Variants in IGSF22 observed in about 807,000 individuals in gnomAD.
IGSF22 encodes the protein immunoglobulin superfamily member 22.
A neutral mutation model predicts 127.0 loss-of-function variants in IGSF22; 119 were observed. That is an observed-to-expected ratio of 0.94 (90% CI 0.81 to 1.09). The LOEUF is 1.09. Ranked by LOEUF, IGSF22 falls within the 50% of genes least tolerant of loss-of-function variation. IGSF22 has a pLI of 0.00. For synonymous variants in IGSF22, 568 were observed against 664.7 expected (o/e 0.85, Z 2.24); for missense variants, 1,518 against 1,716.6 (o/e 0.88, Z 2.04).
chr11:18,713,716 A>G, intron 14 of IGSF22, 136 bp downstream of exon 14: 1 of 726,466 alleles, frequency 1.4e-6, no homozygotes, highest in Non-Finnish European at 2.2e-6. Flanking sequence ...TTCTGGCTGC[A>G]AAGCCAGCCT....
Position 18,705,931 on chromosome 11 carries a change from C to T in IGSF22, c.3796G>A (p.Gly1266Ser). The change falls in exon 22 of 23, where the codon GGC becomes AGC. Residue 1266 changes from glycine (G) to serine (S), a missense_variant. Coordinates refer to ENST00000513874, the MANE Select transcript of IGSF22 (RefSeq NM_173588.4). Reference sequence around the variant, plus strand: ...GTGGGGATGACGAGGGTGCACACGCCGCTGGTGGAGTTGTACCAGAACTTG... The same window carrying T: ...GTGGGGATGACGAGGGTGCACACGCTGCTGGTGGAGTTGTACCAGAACTTG... ...NSKFWYNSTS[G>S]VCTLVIPTCT... 1 of 1,551,738 alleles carries T rather than the reference C, an allele frequency of 6.4e-7. No homozygotes were observed. Among genetic ancestry groups the T allele is most frequent in the Non-Finnish European group, 8.7e-7 (1 of 1,146,994 alleles).
At position 18,724,114 on chromosome 11, in the gene IGSF22, C is replaced by T; in HGVS notation, c.109+14G>A. 1 of 1,600,254 alleles carries T rather than the reference C, an allele frequency of 6.2e-7. No homozygotes were observed. The highest frequency in any genetic ancestry group is 1.7e-5 in the Admixed American group (1 of 59,966). On this transcript the variant is annotated intron_variant, in intron 2 of 22. Coordinates refer to ENST00000513874, the MANE Select transcript of IGSF22 (RefSeq NM_173588.4). Reference sequence around the variant, plus strand: ...TGCCCTTCCCGATCCCTTCCCTGCCCCCATTCCACTTGCCTCCCACGATCT... The same window carrying T: ...TGCCCTTCCCGATCCCTTCCCTGCCTCCATTCCACTTGCCTCCCACGATCT...
At chr11:18,711,588 G>C (rs1261074059) in intron 15 of IGSF22, among the ~76,000 whole-genome samples, 4 of 152,040 alleles carry the variant, frequency 2.6e-5, no homozygotes. Flanking sequence ...AGTAGAGATA[G>C]GGTTTCACCA....
Position 18,719,696 on chromosome 11 carries a change from G to C in IGSF22, c.696+20C>G, listed in dbSNP as rs1401754917. 1 of 1,611,802 alleles carries C rather than the reference G, an allele frequency of 6.2e-7. No individual in the cohort carries two copies. Among genetic ancestry groups the C allele is most frequent in the East Asian group, 2.2e-5 (1 of 44,860 alleles). ...CCCTGCCCCTAGCCTGCAGGCCCCT[G>C]CTCCCTGCAGGGTACTTACCTCCAC... On this transcript the variant is annotated intron_variant, in intron 7 of 22. Coordinates refer to ENST00000513874, the MANE Select transcript of IGSF22 (RefSeq NM_173588.4).
intron 9 of IGSF22, among the ~76,000 whole-genome samples, chr11:18,717,425 CT>C (rs55959211): frequency 0.76 from 115,392 of 151,752 alleles, 44,046 homozygotes; most frequent in East Asian, 0.82. Flanking sequence ...AGTCTGCGTT[CT>C]TTTTTTTTAA....
chr11:18,721,743 C>T lies in IGSF22; in HGVS notation c.242-72G>A, dbSNP rs1848578298. The T allele has an allele frequency of 2.5e-6, 4 of 1,601,588 alleles. No individual in the cohort carries two copies. The East Asian group carries it at 8.9e-5, about 36-fold the overall frequency. On this transcript the variant is annotated intron_variant, in intron 3 of 22. Coordinates refer to ENST00000513874, the MANE Select transcript of IGSF22 (RefSeq NM_173588.4). ...GAGCCTCTGCCACCCTCTGCCGGCTCTCTGCCTCCTCCCAGACACCTGGGC... is the reference window on the plus strand; with the variant it reads ...GAGCCTCTGCCACCCTCTGCCGGCTTTCTGCCTCCTCCCAGACACCTGGGC...
Position 18,714,013 on chromosome 11 carries a change from C to CCATCCTTGTACCATGT in IGSF22, c.1918_1933dup (p.Gly645AspfsTer34). 6.2e-7 allele frequency: 1 copy of CCATCCTTGTACCATGT among 1,614,304 alleles called. No homozygotes were observed. The highest frequency in any genetic ancestry group is 8.5e-7 in the Non-Finnish European group (1 of 1,180,048). On this transcript the variant is annotated frameshift_variant, in exon 14 of 23. Transcript: ENST00000513874. LOFTEE classifies it high-confidence loss of function. Reference sequence around the variant, plus strand: ...GCGTTCCTCCTCCGTCACTTCCATGCCATCCTTGTACCATGTCACTTTGGG... The same window carrying CCATCCTTGTACCATGT: ...GCGTTCCTCCTCCGTCACTTCCATGCCATCCTTGTACCATGTCATCCTTGTACCATGTCACTTTGGG...
chr11:18,721,289 G>GGCTCTGCCCCTGCTCT (rs1848566625), intron 4 of IGSF22, among the ~76,000 whole-genome samples: 2 of 152,216 alleles, frequency 1.3e-5, no homozygotes, highest in Admixed American at 6.5e-5. Context: ...GCCACGTTCT[G>GGCTCTGCCCCTGCTCT]GCTCTGCCCC....
chr11:18,713,745 C>G (rs1440441048), intron 14 of IGSF22, 107 bp downstream of exon 14: 1 of 941,426 alleles, frequency 1.1e-6, no homozygotes. Context: ...CATTCCCAGC[C>G]CAAACTTCAA....
At position 18,708,240 on chromosome 11, in the gene IGSF22, A is replaced by C. The variant is rs1027867762; in HGVS notation, c.3054T>G (p.Ala1018=). 5 of 1,548,608 alleles carry C rather than the reference A, an allele frequency of 3.2e-6. No homozygotes were observed. In the African/African-American group the frequency reaches 6.8e-5, roughly 21 times the overall value. ...CTGCATGGATGCAGAGGGCTGTCCC[A>C]GCGCGAACCACCATGTGACTCTTCA... ...ARLKSHMVVR[A]GTALCIHAAF... The change falls in exon 19 of 23, where the codon GCT becomes GCG. Residue 1018 remains alanine, a synonymous_variant. Coordinates refer to ENST00000513874, the MANE Select transcript of IGSF22 (RefSeq NM_173588.4).
chr11:18,724,351 A>C, intron 1 of IGSF22, 82 bp from the exon 2 acceptor site: 1 of 708,760 alleles, frequency 1.4e-6, no homozygotes, highest in South Asian at 1.8e-5. Context: ...GTTCAGACAT[A>C]AGAGGAGATG....
intron 15 of IGSF22, among the ~76,000 whole-genome samples, chr11:18,711,068 G>A (rs1848347212): frequency 6.6e-6 from 1 of 152,076 alleles, no homozygotes; most frequent in Non-Finnish European, 1.5e-5. Context: ...GAGCCACAGT[G>A]CCTGGCACAA....
chr11:18,716,069 T>G lies in IGSF22; in HGVS notation c.1247-353A>C, dbSNP rs1020967322. On this transcript the variant is annotated intron_variant, in intron 10 of 22. Transcript: ENST00000513874. This position sits in a 1 kb window ranked among gnomAD's most constrained non-coding sequence, Gnocchi z 4.5. ...AATGTCTGGACATTTATACATGCTA[T>G]TACCTCTGCTGGGGATGTTCTCTAC... 6.6e-6 allele frequency among the ~76,000 whole-genome samples: 1 copy of G among 152,206 alleles called. No individual in the cohort carries two copies. The highest frequency in any genetic ancestry group is 1.5e-5 in the Non-Finnish European group (1 of 68,048).
At chr11:18,715,862 T>A in intron 10 of IGSF22, 146 bp from the exon 11 acceptor site, 1 of 896,874 alleles carries the variant, frequency 1.1e-6, no homozygotes, top group Non-Finnish European at 1.7e-6. Flanking sequence ...AATATGTGAC[T>A]CACAGAAGTA....
intron 14 of IGSF22, 47 bp from the exon 15 acceptor site, chr11:18,712,431 C>A: frequency 4.0e-6 from 6 of 1,490,144 alleles, no homozygotes; most frequent in South Asian, 1.3e-5. Flanking sequence ...AACAAAGGAT[C>A]AGAAGGGCCT....
At position 18,707,818 on chromosome 11, in the gene IGSF22, T is replaced by C. The variant is rs574463530; in HGVS notation, c.3266A>G (p.His1089Arg). ...NEFGEARYDIHVRVADFPRPP... is the reference protein window; with the variant it reads ...NEFGEARYDIRVRVADFPRPP... Reference sequence around the variant, plus strand: ...TCTCTCCATACCTGCCACGCGCACATGGATGTCATAGCGTGCTTCTCCAAA... The same window carrying C: ...TCTCTCCATACCTGCCACGCGCACACGGATGTCATAGCGTGCTTCTCCAAA... Residue 1089 changes from histidine (H) to arginine (R), a missense_variant, in exon 20 of 23, where the codon CAT becomes CGT. His to Arg is a conservative substitution (Grantham distance 29). This residue lies in a region of IGSF22 where 1,456 missense variants were observed against 1,644.9 expected (regional missense o/e 0.89). Coordinates refer to ENST00000513874, the MANE Select transcript of IGSF22 (RefSeq NM_173588.4). 1.3e-6 allele frequency: 2 copies of C among 1,598,152 alleles called. No individual in the cohort carries two copies. Among genetic ancestry groups the C allele is most frequent in the East Asian group, 2.2e-5 (1 of 44,608 alleles).
intron 3 of IGSF22, 108 bp downstream of exon 3, chr11:18,721,802 G>T: frequency 6.3e-7 from 1 of 1,583,832 alleles, no homozygotes; most frequent in Non-Finnish European, 8.6e-7. Context: ...CCTCGGCCAG[G>T]CTCTGCCAGG....
At chr11:18,718,985 G>A (rs978948394) in intron 7 of IGSF22, among the ~76,000 whole-genome samples, 2 of 152,212 alleles carry the variant, frequency 1.3e-5, no homozygotes, top group Admixed American at 1.3e-4. Flanking sequence ...TAATTCCAGT[G>A]TAGAGGCTTA....
Position 18,709,538 on chromosome 11 carries a change from C to A in IGSF22, c.2847G>T (p.Lys949Asn). ...TGCCTGAGATGGGGATCTTTGTGCA[C>A]TTGGACCACTCCTTTGTGTCTTCAG... ...MRAEDTKEWS[K>N]CTKIPISGTC... Residue 949 changes from lysine to asparagine, a missense_variant, in exon 18 of 23, where the codon AAG becomes AAT. By Grantham distance (94) the Lys-to-Asn change is moderately conservative. This residue lies in a region of IGSF22 where 1,456 missense variants were observed against 1,644.9 expected (regional missense o/e 0.89). Transcript: ENST00000513874. The surrounding 1 kb of genome is among the most constrained non-coding windows in gnomAD (Gnocchi z 4.8). The A allele has an allele frequency of 6.2e-7, 1 of 1,614,208 alleles. No homozygotes were observed.
Sources: allele counts gnomAD v4.1 joint callset (sites outside exome capture counted in the v4.1 genomes callset), GRCh38; gene constraint gnomAD v4.1.1; regional missense constraint gnomAD v4.1.1; non-coding constraint Gnocchi (gnomAD v3.1); transcripts MANE v1.5; gene names NCBI Gene and HGNC (gene_info 2026-07-23, HGNC 2026-07-21).